The following GAN variants were observed in gnomAD, a reference collection of about 807,000 sequenced individuals.
GAN encodes epididymis secretory sperm binding protein.
Under a neutral mutation model 71.3 loss-of-function variants are expected in GAN, and 48 were observed. The ratio of observed to expected loss-of-function variants is 0.67; its 90% CI spans 0.53 to 0.86. GAN has a LOEUF of 0.86. Among genes scored for constraint, GAN ranks in the 40% least tolerant of loss-of-function variants. The pLI is 0.00. For missense variants in GAN, 928 were observed against 770.1 expected, an observed-to-expected ratio of 1.21 and a Z score of -2.43; for synonymous variants, 386 against 276.8, an observed-to-expected ratio of 1.39 and a Z score of -3.92.
Position 81,360,281 on chromosome 16 carries a change from C to T in GAN, c.974-2218C>T, listed in dbSNP as rs954087392. Among the ~76,000 whole-genome samples, 11 of 152,138 alleles carry T rather than the reference C, an allele frequency of 7.2e-5. No individual in the cohort carries two copies. In the East Asian group the frequency reaches 1.3e-3, roughly 19 times the overall value. The stretch of plus-strand genomic sequence containing the variant: ...GGTGGACAACTCTCAGATTTGATTG[C>T]CTGCAAATGTCATTATTTTGTCTTC... On this transcript the variant is annotated intron_variant, in intron 5 of 10. Transcript: ENST00000648994.
At chr16:81,352,199 G>C (rs949409554) in intron 2 of GAN, among the ~76,000 whole-genome samples, 2 of 152,116 alleles carry the variant, frequency 1.3e-5, no homozygotes, top group South Asian at 2.1e-4. Flanking sequence ...CCTTATTCAC[G>C]ATGCCCTGGT....
At chr16:81,327,351 C>G (rs7196075) in intron 1 of GAN, among the ~76,000 whole-genome samples, 143,886 of 152,284 alleles carry the variant, frequency 0.94, 68,019 homozygotes, top group Middle Eastern at 0.98. Context: ...GGAGCTTAAA[C>G]ATGCTAACGG....
chr16:81,382,019 C>G lies in GAN; in HGVS notation c.*4423C>G, dbSNP rs954098434. 2.0e-5 allele frequency: 3 copies of G among 152,136 alleles called. No individual in the cohort carries two copies. The highest frequency in any genetic ancestry group is 7.2e-5 in the African/African-American group (3 of 41,406). The allele number at this position is 152,136 out of a possible 1,614,324, so 9.4% of individuals were successfully genotyped here. ...GAGACCCTCTATAGACTCAGCACAG[C>G]TTATAATGTTGATCATGTTTAGTAT... is the stretch of plus-strand genomic sequence containing the variant. On this transcript the variant is annotated 3_prime_UTR_variant, in exon 11 of 11. Transcript: ENST00000648994.
chr16:81,362,591 G>T lies in GAN; in HGVS notation c.1066G>T (p.Ala356Ser). The T allele has an allele frequency of 1.3e-6, 2 of 1,565,820 alleles. No individual in the cohort carries two copies. The highest frequency in any genetic ancestry group is 1.1e-5 in the South Asian group (1 of 90,094). ...KYDPDANTWT[A>S]LPPMNEARHN... is the part of the protein sequence containing the mutation. The stretch of plus-strand genomic sequence containing the variant: ...TGATCCAGATGCAAATACATGGACA[G>T]CATTGCCACCTATGAACGAGGTAAA... The change falls in exon 6 of 11, where the codon GCA (alanine) becomes TCA (serine). Residue 356 changes from alanine (A) to serine (S), a missense_variant. Ala to Ser is a moderately conservative substitution (Grantham distance 99, BLOSUM62 1). Transcript: ENST00000648994.
chr16:81,337,823 T>G (rs955988725), intron 1 of GAN, among the ~76,000 whole-genome samples: 28 of 152,216 alleles, frequency 1.8e-4, no homozygotes, highest in African/African-American at 6.5e-4. Flanking sequence ...TTTAAAAAGT[T>G]TGGCCAAAGG....
At chr16:81,375,956 A>G (rs1597413084) in intron 9 of GAN, among the ~76,000 whole-genome samples, 1 of 149,260 alleles carries the variant, frequency 6.7e-6, no homozygotes, top group African/African-American at 2.5e-5. Context: ...GATGAGTGAC[A>G]GAGTAAGACC....
chr16:81,372,731 A>G (rs1193367356), intron 9 of GAN, among the ~76,000 whole-genome samples: 2 of 152,248 alleles, frequency 1.3e-5, no homozygotes, highest in Non-Finnish European at 2.9e-5. Flanking sequence ...GAATCTGGGA[A>G]GAACTTAAAT....
chr16:81,337,827 C>T (rs1011292881), intron 1 of GAN, among the ~76,000 whole-genome samples: 8 of 152,054 alleles, frequency 5.3e-5, no homozygotes, highest in Admixed American at 6.5e-5. Flanking sequence ...AAAAGTTTGG[C>T]CAAAGGATGG....
chr16:81,362,666 T>C, intron 6 of GAN, 55 bp downstream of exon 6: 1 of 956,988 alleles, frequency 1.0e-6, no homozygotes, highest in East Asian at 2.4e-5. Flanking sequence ...CCTTAGCGCT[T>C]CTGTTTGTTT....
rs62047162 is a variant in GAN, at chr16:81,315,501, T to G, written c.167+221T>G. 0.92 allele frequency among the ~76,000 whole-genome samples: 139,973 copies of G among 151,988 alleles called. 64,582 individuals are homozygous for G. The highest frequency in any genetic ancestry group is 0.96 in the East Asian group (4,944 of 5,132). The stretch of plus-strand genomic sequence containing the variant: ...TGGCTTCCAGGCCCGCGCTCCCCAC[T>G]GGACCCCCGCGCCCCTTGGAGTTGT... On this transcript the variant is annotated intron_variant, in intron 1 of 10. Coordinates refer to ENST00000648994, the MANE Select transcript of GAN (RefSeq NM_022041.4).
intron 9 of GAN, among the ~76,000 whole-genome samples, chr16:81,373,380 C>A (rs1911093980): frequency 6.6e-6 from 1 of 152,134 alleles, no homozygotes; most frequent in Non-Finnish European, 1.5e-5. Context: ...ATTTACATTA[C>A]CCTGAGGGAA....
At chr16:81,359,405 G>GT (rs71146005) in intron 5 of GAN, among the ~76,000 whole-genome samples, 55,603 of 124,574 alleles carry the variant, frequency 0.45, 12,366 homozygotes, top group Middle Eastern at 0.58. Context: ...AGGCTGCATT[G>GT]TTTTTTTTTT....
At chr16:81,328,401 T>C (rs1909458404) in intron 1 of GAN, among the ~76,000 whole-genome samples, 1 of 152,270 alleles carries the variant, frequency 6.6e-6, no homozygotes, top group Admixed American at 6.5e-5. Flanking sequence ...TATTACTGTT[T>C]CATATTCTGT....
At chr16:81,332,088 G>A (rs1909597786) in intron 1 of GAN, among the ~76,000 whole-genome samples, 2 of 151,700 alleles carry the variant, frequency 1.3e-5, no homozygotes. Flanking sequence ...TTGAACCTGG[G>A]AGGCAGAGGT....
chr16:81,336,967 C>T (rs987372410), intron 1 of GAN, among the ~76,000 whole-genome samples: 21 of 151,972 alleles, frequency 1.4e-4, no homozygotes, highest in Non-Finnish European at 1.5e-4. Flanking sequence ...TTGTAGTTGA[C>T]GTCAGGGTTC....
intron 7 of GAN, among the ~76,000 whole-genome samples, chr16:81,364,448 G>C (rs1910782205): frequency 6.6e-6 from 1 of 152,114 alleles, no homozygotes; most frequent in African/African-American, 2.4e-5. Context: ...GTTTTTTTAA[G>C]TAGAGATAGG....
chr16:81,328,412 G>A (rs1035686788), intron 1 of GAN, among the ~76,000 whole-genome samples: 2 of 152,074 alleles, frequency 1.3e-5, no homozygotes, highest in African/African-American at 2.4e-5. Flanking sequence ...CATATTCTGT[G>A]CTTCAGAAAT....
intron 9 of GAN, 124 bp downstream of exon 9, chr16:81,365,602 C>T (rs1910829411): frequency 1.1e-6 from 1 of 907,458 alleles, no homozygotes; most frequent in Non-Finnish European, 1.8e-6. Context: ...GATAACGTCT[C>T]ATGCATACTA....
At chr16:81,366,191 G>A (rs1910851830) in intron 9 of GAN, among the ~76,000 whole-genome samples, 1 of 152,018 alleles carries the variant, frequency 6.6e-6, no homozygotes, top group Non-Finnish European at 1.5e-5. Context: ...CAAGTCTCTG[G>A]GGTTGTAGCT....
Sources: gnomAD v4.1 joint callset for allele counts (sites outside exome capture counted in the v4.1 genomes callset) on GRCh38, gnomAD v4.1.1 for gene constraint, MANE v1.5 for transcripts, NCBI Gene and HGNC (gene_info 2026-07-23, HGNC 2026-07-21) for gene names.